Variants in VEGFC observed in about 807,000 individuals in gnomAD.
The protein encoded by VEGFC is FLT4 ligand DHM.
VEGFC carries 12 observed loss-of-function variants against 46.1 expected under a neutral mutation model. That is an observed-to-expected ratio of 0.26 (90% CI 0.17 to 0.42). VEGFC has a LOEUF of 0.42. VEGFC is among the 10% of genes least tolerant of loss of function. The probability of loss-of-function intolerance (pLI) is 1.00; values close to 1 mark genes in which losing one functional copy is unlikely to be tolerated. For missense variants in VEGFC, 488 were observed against 529.4 expected, an observed-to-expected ratio of 0.92 and a Z score of 0.77; for synonymous variants, 232 against 195.5, an observed-to-expected ratio of 1.19 and a Z score of -1.56.
Position 176,683,781 on chromosome 4 carries a change from T to C in VEGFC, c.*145A>G, listed in dbSNP as rs906648763. 9 of 615,330 alleles carry C rather than the reference T, an allele frequency of 1.5e-5. No individual in the cohort carries two copies. Among genetic ancestry groups the C allele is most frequent in the Non-Finnish European group, 2.2e-5 (8 of 358,162 alleles). The allele number at this position is 615,330 out of a possible 1,614,324, so 38.1% of individuals were successfully genotyped here. ...GCAGATGAGCTCCAGTCCATTTCTG[T>C]AAAGTTATCCACATGGTTCAGGAAA... On this transcript the variant is annotated 3_prime_UTR_variant, in exon 7 of 7. Coordinates refer to ENST00000618562, the MANE Select transcript of VEGFC (RefSeq NM_005429.5).
chr4:176,785,636 C>CT (rs35836357), intron 1 of VEGFC, among the ~76,000 whole-genome samples: 107,378 of 151,660 alleles, frequency 0.71, 43,953 homozygotes, highest in East Asian at 0.99. Flanking sequence ...CTCTCCTTCT[C>CT]TTTTTTTTCA....
At chr4:176,685,535 A>T (rs1207175115) in intron 6 of VEGFC, among the ~76,000 whole-genome samples, 3 of 152,170 alleles carry the variant, frequency 2.0e-5, no homozygotes, top group African/African-American at 7.2e-5. Context: ...AAATGCAATG[A>T]TAGAAATATT....
At chr4:176,739,573 C>T (rs760565993) in intron 1 of VEGFC, among the ~76,000 whole-genome samples, 1 of 151,826 alleles carries the variant, frequency 6.6e-6, no homozygotes, top group Non-Finnish European at 1.5e-5. Context: ...GAGGGAACAA[C>T]ACACACTGGG....
At chr4:176,694,385 G>A (rs1734269036) in intron 4 of VEGFC, among the ~76,000 whole-genome samples, 2 of 152,138 alleles carry the variant, frequency 1.3e-5, no homozygotes, top group South Asian at 4.1e-4. Context: ...GACAAAAAAG[G>A]CCATTACATA....
rs66870525 is a variant in VEGFC at position 176,784,063 on chromosome 4, G to GTTTTT, written c.147+8097_147+8101dup. The stretch of plus-strand genomic sequence containing the variant: ...AGGGCTTTATATGTATGCACATGCT[G>GTTTTT]TTTTTTTTTTTTTTTTTTTGAAACA... On this transcript the variant is annotated intron_variant, in intron 1 of 6. Transcript: ENST00000618562. Among the ~76,000 whole-genome samples, 67 of 45,832 alleles carry GTTTTT rather than the reference G, an allele frequency of 1.5e-3. 3 individuals carry two copies. Among genetic ancestry groups the GTTTTT allele is most frequent in the East Asian group, 0.014 (4 of 284 alleles). The allele number at this position is 45,832 out of a possible 152,430, so 30.1% of individuals were successfully genotyped here. A position where few individuals can be genotyped will look rare whatever the true frequency, so the allele number is the denominator to read the frequency against.
At chr4:176,748,422 T>C (rs1735291785) in intron 1 of VEGFC, among the ~76,000 whole-genome samples, 1 of 151,942 alleles carries the variant, frequency 6.6e-6, no homozygotes, top group Non-Finnish European at 1.5e-5. Context: ...ACAAGAACAA[T>C]AATATCCATA....
chr4:176,694,678 T>C (rs1376531913), intron 4 of VEGFC, among the ~76,000 whole-genome samples: 1 of 147,612 alleles, frequency 6.8e-6, no homozygotes, highest in Non-Finnish European at 1.5e-5. Context: ...GAATATATAT[T>C]TTTTTCAGCA....
rs188739624 is a variant in VEGFC at position 176,728,934 on chromosome 4, C to T, written c.361+599G>A. ...TCAGGCTGGTCTCTGACTCTGGCTT[C>T]AAGCAATCCTCCCACTTTGGCCTCC... On this transcript the variant is annotated intron_variant, in intron 2 of 6. Coordinates refer to ENST00000618562, the MANE Select transcript of VEGFC (RefSeq NM_005429.5). 5.9e-5 allele frequency among the ~76,000 whole-genome samples: 9 copies of T among 152,256 alleles called. No individual in the cohort carries two copies. In the East Asian group the frequency reaches 1.7e-3, roughly 29 times the overall value.
chr4:176,726,409 C>T (rs890207819), intron 3 of VEGFC, among the ~76,000 whole-genome samples: 1 of 21,874 alleles, frequency 4.6e-5, no homozygotes, highest in Non-Finnish European at 2.8e-4. Context: ...CAAAGCATCA[C>T]CTTTTAATTT....
At chr4:176,774,812 TAA>T (rs34750548) in intron 1 of VEGFC, among the ~76,000 whole-genome samples, 10 of 5,302 alleles carry the variant, frequency 1.9e-3, no homozygotes, top group South Asian at 0.17. Flanking sequence ...AGTATAATAA[TAA>T]AAAAAAAAAG....
intron 1 of VEGFC, among the ~76,000 whole-genome samples, chr4:176,732,956 G>T (rs1734992323): frequency 6.6e-6 from 1 of 151,624 alleles, no homozygotes; most frequent in Non-Finnish European, 1.5e-5. Flanking sequence ...ACACAAACAT[G>T]GACAAATGAT....
intron 1 of VEGFC, among the ~76,000 whole-genome samples, chr4:176,772,164 T>G (rs1735735697): frequency 6.6e-6 from 1 of 152,192 alleles, no homozygotes; most frequent in South Asian, 2.1e-4. Flanking sequence ...ACCAATATGT[T>G]AAAGAAAATA....
chr4:176,685,249 T>C (rs1333920206), intron 6 of VEGFC, among the ~76,000 whole-genome samples: 2 of 152,216 alleles, frequency 1.3e-5, no homozygotes, highest in Non-Finnish European at 2.9e-5. Flanking sequence ...TTCATAGTTA[T>C]GACTACTGGT....
chr4:176,715,632 A>G (rs2111003217), intron 3 of VEGFC, among the ~76,000 whole-genome samples: 2 of 152,256 alleles, frequency 1.3e-5, no homozygotes, highest in East Asian at 3.9e-4. Context: ...TGCCTTTTCA[A>G]TAAATATAGT....
At chr4:176,742,225 G>A (rs765399616) in intron 1 of VEGFC, among the ~76,000 whole-genome samples, 13 of 152,006 alleles carry the variant, frequency 8.6e-5, no homozygotes, top group South Asian at 8.3e-4. Context: ...TTAGGAAAAC[G>A]GCCTCCAGCA....
chr4:176,774,568 G>A (rs554726881), intron 1 of VEGFC, among the ~76,000 whole-genome samples: 11 of 152,072 alleles, frequency 7.2e-5, no homozygotes, highest in Admixed American at 4.6e-4. Flanking sequence ...AGGAGAATAT[G>A]AAACCAAAAA....
At position 176,732,704 on chromosome 4, in the gene VEGFC, T is replaced by C. The variant is rs552262304; in HGVS notation, c.148-2958A>G. ...GGAGAGAAGAAAGAAAACACATTCA[T>C]TGAAAAAAAAAAACTCTTCAGAGAG... On this transcript the variant is annotated intron_variant, in intron 1 of 6. Transcript: ENST00000618562. Among the ~76,000 whole-genome samples, 173 of 150,974 alleles carry C rather than the reference T, an allele frequency of 1.1e-3. 1 individual carries two copies. The highest frequency in any genetic ancestry group is 4.1e-3 in the African/African-American group (170 of 40,984).
At chr4:176,739,535 T>C (rs1351350327) in intron 1 of VEGFC, among the ~76,000 whole-genome samples, 1 of 151,916 alleles carries the variant, frequency 6.6e-6, no homozygotes, top group Non-Finnish European at 1.5e-5. Flanking sequence ...AAGTGGGAGC[T>C]GAATGATGAG....
chr4:176,772,047 C>T (rs747839360), intron 1 of VEGFC, among the ~76,000 whole-genome samples: 6 of 152,070 alleles, frequency 3.9e-5, no homozygotes, highest in African/African-American at 7.2e-5. Flanking sequence ...AGCCCTATTA[C>T]GGTTTACACA....
Sources: allele counts gnomAD v4.1 joint callset (sites outside exome capture counted in the v4.1 genomes callset), GRCh38; gene constraint gnomAD v4.1.1; transcripts MANE v1.5; gene names NCBI Gene and HGNC (gene_info 2026-07-23, HGNC 2026-07-21).